Variants in RSPO2 observed in about 807,000 individuals in gnomAD.
The protein encoded by RSPO2 is R-spondin-2.
A neutral mutation model predicts 30.9 loss-of-function variants in RSPO2; 14 were observed. The observed-to-expected ratio is 0.45, with a 90% CI of 0.30 to 0.71. The LOEUF (loss-of-function observed/expected upper bound fraction) is 0.71. RSPO2 is among the 30% of genes least tolerant of loss of function. The pLI is 0.08. For synonymous variants in RSPO2, 107 were observed against 96.4 expected (o/e 1.11, Z -0.64); for missense variants, 264 against 301.9 (o/e 0.87, Z 0.93).
intron 3 of RSPO2, among the ~76,000 whole-genome samples, chr8:107,970,284 T>C (rs550069790): frequency 6.6e-6 from 1 of 152,180 alleles, no homozygotes; most frequent in Non-Finnish European, 1.5e-5. Context: ...TCACAAAATA[T>C]TGTTCTTTCA....
intron 2 of RSPO2, among the ~76,000 whole-genome samples, chr8:108,067,326 A>C (rs1347432904): frequency 6.6e-6 from 1 of 152,226 alleles, no homozygotes; most frequent in East Asian, 1.9e-4. Flanking sequence ...GAATTTTGTC[A>C]GGTAGATTAA....
chr8:108,011,906 T>C (rs1318497231), intron 2 of RSPO2, among the ~76,000 whole-genome samples: 2 of 152,362 alleles, frequency 1.3e-5, no homozygotes, highest in East Asian at 3.9e-4. Context: ...TGAGTTTTAC[T>C]GCCAGTAATT....
chr8:108,016,987 C>A (rs1043260507), intron 2 of RSPO2, among the ~76,000 whole-genome samples: 9 of 151,962 alleles, frequency 5.9e-5, no homozygotes, highest in African/African-American at 2.2e-4. Flanking sequence ...AAATAAATTA[C>A]CCAGTCTCAG....
chr8:107,975,770 T>G (rs116871647), intron 3 of RSPO2, among the ~76,000 whole-genome samples: 1 of 151,916 alleles, frequency 6.6e-6, no homozygotes, highest in South Asian at 2.1e-4. Context: ...TAAAATCAAT[T>G]GACAATTGTG....
intron 2 of RSPO2, among the ~76,000 whole-genome samples, chr8:108,022,921 CAAA>C (rs35195076): frequency 1.1e-5 from 1 of 93,988 alleles, no homozygotes; most frequent in African/African-American, 4.2e-5. Context: ...ACAAAACTGT[CAAA>C]AAAAAAAACA....
intron 5 of RSPO2, among the ~76,000 whole-genome samples, chr8:107,912,586 ATATCTC>A (rs1392090859): frequency 6.6e-6 from 1 of 152,178 alleles, no homozygotes. Context: ...ACTCTACAGA[ATATCTC>A]TATTCATGAA....
At chr8:108,058,377 T>C (rs1812326332) in intron 2 of RSPO2, among the ~76,000 whole-genome samples, 1 of 152,202 alleles carries the variant, frequency 6.6e-6, no homozygotes, top group Non-Finnish European at 1.5e-5. Flanking sequence ...GAACATTCCA[T>C]ACTCATGGGT....
At chr8:108,048,267 GA>G (rs1811969050) in intron 2 of RSPO2, among the ~76,000 whole-genome samples, 2 of 151,858 alleles carry the variant, frequency 1.3e-5, no homozygotes, top group Admixed American at 1.3e-4. Context: ...GGACTTTTAA[GA>G]AAGCCAACTC....
At chr8:108,060,069 T>C (rs766023484) in intron 2 of RSPO2, among the ~76,000 whole-genome samples, 6 of 151,198 alleles carry the variant, frequency 4.0e-5, no homozygotes, top group African/African-American at 1.2e-4. Flanking sequence ...GATGGCCAAA[T>C]AGGAACAGCT....
intron 5 of RSPO2, among the ~76,000 whole-genome samples, chr8:107,954,522 T>C (rs1813352996): frequency 1.3e-5 from 2 of 152,192 alleles, no homozygotes. Flanking sequence ...TTTCAAGTCA[T>C]TCACTCTTTT....
intron 3 of RSPO2, among the ~76,000 whole-genome samples, chr8:107,966,614 G>A (rs1247947778): frequency 6.6e-6 from 1 of 152,122 alleles, no homozygotes; most frequent in African/African-American, 2.4e-5. Flanking sequence ...ACTGAGAGAA[G>A]CCAAAGATCA....
intron 2 of RSPO2, among the ~76,000 whole-genome samples, chr8:108,003,808 A>C (rs1481861874): frequency 6.6e-6 from 1 of 152,142 alleles, no homozygotes; most frequent in African/African-American, 2.4e-5. Context: ...GAGAGTTTTA[A>C]AAAATCTTTC....
At chr8:107,914,229 G>A (rs184509578) in intron 5 of RSPO2, among the ~76,000 whole-genome samples, 18 of 152,212 alleles carry the variant, frequency 1.2e-4, no homozygotes, top group Middle Eastern at 3.4e-3. Flanking sequence ...AAATTGGTGA[G>A]TGCCTTTGAG....
At chr8:108,018,667 A>C (rs1013686493) in intron 2 of RSPO2, among the ~76,000 whole-genome samples, 4 of 152,242 alleles carry the variant, frequency 2.6e-5, no homozygotes, top group African/African-American at 9.6e-5. Context: ...GGAACAGAAA[A>C]GCAGGAGGCA....
At chr8:108,062,649 C>G in intron 2 of RSPO2, among the ~76,000 whole-genome samples, 1 of 151,858 alleles carries the variant, frequency 6.6e-6, no homozygotes, top group Admixed American at 6.6e-5. Context: ...TTCCAATCAA[C>G]AGAAAAAGAC....
intron 3 of RSPO2, among the ~76,000 whole-genome samples, chr8:107,976,594 G>C (rs1333042237): frequency 6.6e-6 from 1 of 152,180 alleles, no homozygotes; most frequent in East Asian, 1.9e-4. Context: ...CAGAATGTTA[G>C]AGCAATGATC....
intron 2 of RSPO2, among the ~76,000 whole-genome samples, chr8:108,016,298 A>G (rs1163276082): frequency 6.6e-6 from 1 of 152,246 alleles, no homozygotes; most frequent in Non-Finnish European, 1.5e-5. Context: ...TCCAGGCAAC[A>G]GAGTATTCAA....
chr8:107,901,122 G>GGGCCCTTT lies in RSPO2; in HGVS notation c.677_684dup (p.Gln229LysfsTer11). ...GCTAGGAAGACGCTGTGTTGCTCCT[G>GGGCCCTTT]GGCCCTTTCTATCAGCTTCCTTTTC... On this transcript the variant is annotated frameshift_variant, in exon 6 of 6. Coordinates refer to ENST00000276659, the MANE Select transcript of RSPO2 (RefSeq NM_178565.5). LOFTEE classifies it high-confidence loss of function. The GGGCCCTTT allele has an allele frequency of 1.9e-6, 3 of 1,614,038 alleles. No homozygotes were observed. Among genetic ancestry groups the GGGCCCTTT allele is most frequent in the Non-Finnish European group, 2.5e-6 (3 of 1,179,990 alleles).
rs565438016 is a variant in RSPO2, at chr8:107,940,547, T to G, written c.616+17533A>C. Among the ~76,000 whole-genome samples, 5 of 152,266 alleles carry G rather than the reference T, an allele frequency of 3.3e-5. No individual in the cohort carries two copies. The East Asian group carries it at 9.6e-4, about 29-fold the overall frequency. On this transcript the variant is annotated intron_variant, in intron 5 of 5. Coordinates refer to ENST00000276659, the MANE Select transcript of RSPO2 (RefSeq NM_178565.5). ...CTGGAGCAGTTTTCTAATTAAAAAG[T>G]CAGATGGTCTTTTTCTCTAAGGAAA...
Sources: gnomAD v4.1 joint callset for allele counts (sites outside exome capture counted in the v4.1 genomes callset) on GRCh38, gnomAD v4.1.1 for gene constraint, MANE v1.5 for transcripts, NCBI Gene and HGNC (gene_info 2026-07-23, HGNC 2026-07-21) for gene names.